CFAP91: variants seen among roughly 807,000 people sequenced by gnomAD.
CFAP91 encodes the protein cilia- and flagella-associated protein 91.
CFAP91 carries 85 observed loss-of-function variants against 95.9 expected under a neutral mutation model. The ratio of observed to expected loss-of-function variants is 0.89; its 90% CI spans 0.74 to 1.06. The LOEUF (loss-of-function observed/expected upper bound fraction) is 1.06. Ranked by LOEUF, CFAP91 falls within the 50% of genes least tolerant of loss-of-function variation. The probability of loss-of-function intolerance (pLI) is 0.00; values close to 1 mark genes in which losing one functional copy is unlikely to be tolerated. For synonymous variants in CFAP91, 335 were observed against 327.5 expected, an observed-to-expected ratio of 1.02 and a Z score of -0.25; for missense variants, 962 against 943.4, an observed-to-expected ratio of 1.02 and a Z score of -0.26.
intron 14 of CFAP91, among the ~76,000 whole-genome samples, chr3:119,744,563 G>A (rs1004120567): frequency 6.6e-6 from 1 of 152,172 alleles, no homozygotes; most frequent in African/African-American, 2.4e-5. Context: ...AGCTGTTGAA[G>A]TAGTGAAGGC....
At chr3:119,703,291 G>A (rs1171515413) in intron 1 of CFAP91, 69 bp downstream of exon 1, 17 of 1,585,052 alleles carry the variant, frequency 1.1e-5, no homozygotes, top group Non-Finnish European at 1.4e-5. Flanking sequence ...CAGATGGTGG[G>A]ACCTGGCCAG....
intron 1 of CFAP91, chr3:119,706,315 AT>A (rs527983983): frequency 1.5e-4 from 23 of 150,736 alleles, no homozygotes; most frequent in Non-Finnish European, 2.5e-4. Context: ...AAGATAGCTG[AT>A]TTTTTTTTTA....
intron 16 of CFAP91, among the ~76,000 whole-genome samples, chr3:119,749,622 A>G (rs1315076767): frequency 6.6e-6 from 1 of 152,242 alleles, no homozygotes; most frequent in East Asian, 1.9e-4. Context: ...AATCCAGTGG[A>G]ACTTATCTAT....
At chr3:119,745,133 C>T (rs2107905766) in intron 14 of CFAP91, among the ~76,000 whole-genome samples, 1 of 152,262 alleles carries the variant, frequency 6.6e-6, no homozygotes, top group African/African-American at 2.4e-5. Flanking sequence ...TTAAGAACCA[C>T]TTAGGTAAAA....
intron 5 of CFAP91, among the ~76,000 whole-genome samples, chr3:119,711,379 G>T (rs2053470213): frequency 1.3e-5 from 2 of 152,168 alleles, no homozygotes; most frequent in African/African-American, 4.8e-5. Context: ...GATCCCTAAA[G>T]AGCCTTCTGG....
At chr3:119,722,098 G>A (rs1338203242) in intron 6 of CFAP91, among the ~76,000 whole-genome samples, 2 of 150,750 alleles carry the variant, frequency 1.3e-5, no homozygotes, top group African/African-American at 4.9e-5. Context: ...TGAGCCCAGG[G>A]GTTCAAGGTT....
chr3:119,733,593 T>TG, intron 10 of CFAP91, 87 bp downstream of exon 10: 1 of 1,383,912 alleles, frequency 7.2e-7, no homozygotes, highest in Non-Finnish European at 1.0e-6. Flanking sequence ...CAATGTCCAG[T>TG]GGGTCAAACA....
chr3:119,756,480 C>T (rs1274592703), intron 17 of CFAP91, among the ~76,000 whole-genome samples: 1 of 152,004 alleles, frequency 6.6e-6, no homozygotes, highest in African/African-American at 2.4e-5. Flanking sequence ...AAAATTATCC[C>T]AGTTGGAAGG....
intron 5 of CFAP91, chr3:119,713,083 TTTTATTTATTTATTTATTTATTTATTTA>T (rs199743132): frequency 1.4e-5 from 2 of 139,708 alleles, no homozygotes; most frequent in East Asian, 4.1e-4. Context: ...TTTATTTTAT[TTTTATTTATTTATTTATTTATTTATTTA>T]TTTATTTATT....
chr3:119,730,174 G>A, intron 7 of CFAP91, 46 bp from the exon 8 acceptor site: 1 of 1,586,928 alleles, frequency 6.3e-7, no homozygotes, highest in Non-Finnish European at 8.6e-7. Flanking sequence ...CTTGCCCTCT[G>A]TTTGAGATGC....
In CFAP91 at chr3:119,708,808, A is replaced by T. The variant is rs1577196360; in HGVS notation, c.443+134A>T. The T allele has an allele frequency of 5.2e-6, 3 of 572,452 alleles. No homozygotes were observed. The South Asian group carries it at 7.1e-5, about 14-fold the overall frequency. The allele number at this position is 572,452 out of a possible 1,614,324, so 35.5% of individuals were successfully genotyped here. A position where few individuals can be genotyped will look rare whatever the true frequency, so the allele number is the denominator to read the frequency against. On this transcript the variant is annotated intron_variant, in intron 4 of 17. Transcript: ENST00000273390. ...ATTTTAAGTGCTTTACATGCATATG[A>T]TCTAATCGTTAAAACAGGAATGTAG...
At chr3:119,759,295 G>T (rs905172311) in intron 17 of CFAP91, among the ~76,000 whole-genome samples, 1 of 151,898 alleles carries the variant, frequency 6.6e-6, no homozygotes, top group Non-Finnish European at 1.5e-5. Context: ...GAAAGTTAAG[G>T]TGTAACAAAA....
In CFAP91 at chr3:119,707,903, A is replaced by C. The variant is rs574521312; in HGVS notation, c.359+342A>C. On this transcript the variant is annotated intron_variant, in intron 3 of 17. Coordinates refer to ENST00000273390, the MANE Select transcript of CFAP91 (RefSeq NM_033364.4). ...TGGGGCCAAAGCACCTTCAAGAATA[A>C]GTCGAATTCTTTATTCTTTTAATTA... 3.3e-5 allele frequency among the ~76,000 whole-genome samples: 5 copies of C among 152,194 alleles called. No homozygotes were observed. The South Asian group carries it at 8.3e-4, about 25-fold the overall frequency.
At chr3:119,708,379 T>C (rs2053412820) in intron 3 of CFAP91, among the ~76,000 whole-genome samples, 1 of 152,168 alleles carries the variant, frequency 6.6e-6, no homozygotes, top group Non-Finnish European at 1.5e-5. Flanking sequence ...TTCTCAGCTC[T>C]TGCTCTGTCT....
chr3:119,721,313 G>T (rs1413129481), intron 6 of CFAP91, among the ~76,000 whole-genome samples: 3 of 152,178 alleles, frequency 2.0e-5, no homozygotes, highest in African/African-American at 7.2e-5. Context: ...TGAATAAACT[G>T]GGAGCAGAAG....
At chr3:119,742,187 A>G (rs2054134081) in intron 13 of CFAP91, among the ~76,000 whole-genome samples, 1 of 152,198 alleles carries the variant, frequency 6.6e-6, no homozygotes, top group South Asian at 2.1e-4. Flanking sequence ...GTCCGCCTAC[A>G]GCTAAGGGAG....
intron 17 of CFAP91, among the ~76,000 whole-genome samples, chr3:119,762,420 C>G (rs2054552833): frequency 6.6e-6 from 1 of 151,972 alleles, no homozygotes; most frequent in Admixed American, 6.6e-5. Flanking sequence ...TTAAAGCAAT[C>G]TACAGATTCA....
chr3:119,745,587 A>G (rs144410124), intron 14 of CFAP91, among the ~76,000 whole-genome samples: 7 of 152,252 alleles, frequency 4.6e-5, no homozygotes, highest in Non-Finnish European at 8.8e-5. Context: ...TGGATGGACC[A>G]TAGTAAACTT....
rs894545167 is a variant in CFAP91 at position 119,703,180 on chromosome 3, G to A, written c.82G>A (p.Gly28Arg). The A allele has an allele frequency of 6.2e-7, 1 of 1,610,002 alleles. No individual in the cohort carries two copies. The highest frequency in any genetic ancestry group is 1.3e-5 in the African/African-American group (1 of 74,888). The part of the protein sequence containing the change: ...QTRYRERSRA[G>R]SHISSNRAYD... ...TCGGTACCGGGAGAGGTCGCGGGCT[G>A]GGAGCCACATCTCCTCCAATCGAGC... The change falls in exon 1 of 18, where the codon GGG (glycine) becomes AGG (arginine). Residue 28 changes from glycine (G) to arginine (R), a missense_variant. Transcript: ENST00000273390.
Sources: allele counts gnomAD v4.1 joint callset (sites outside exome capture counted in the v4.1 genomes callset), GRCh38; gene constraint gnomAD v4.1.1; transcripts MANE v1.5; gene names NCBI Gene and HGNC (gene_info 2026-07-23, HGNC 2026-07-21).